RB1CC1: variants seen among roughly 807,000 people sequenced by gnomAD.
RB1CC1 encodes RB1-inducible coiled-coil protein 1.
RB1CC1 carries 46 observed loss-of-function variants against 177.5 expected under a neutral mutation model. The ratio of observed to expected loss-of-function variants is 0.26; its 90% CI spans 0.20 to 0.33. The LOEUF is 0.33. RB1CC1 is among the 10% of genes least tolerant of loss of function. The pLI is 1.00. For synonymous variants in RB1CC1, 666 were observed against 613.6 expected, an observed-to-expected ratio of 1.09 and a Z score of -1.26; for missense variants, 1,703 against 1,816.3, an observed-to-expected ratio of 0.94 and a Z score of 1.13.
At chr8:52,683,829 T>C (rs1272541139) in intron 4 of RB1CC1, 58 bp downstream of exon 4, 1 of 1,594,990 alleles carries the variant, frequency 6.3e-7, no homozygotes, top group Non-Finnish European at 8.5e-7. Context: ...GAACACTGAG[T>C]TCCCAATGTG....
intron 5 of RB1CC1, among the ~76,000 whole-genome samples, chr8:52,678,948 C>T (rs943072385): frequency 1.3e-5 from 2 of 152,040 alleles, no homozygotes; most frequent in South Asian, 4.2e-4. Flanking sequence ...GCCTGCTTCT[C>T]CTTCATGAAA....
intron 5 of RB1CC1, among the ~76,000 whole-genome samples, chr8:52,677,652 T>TA (rs1316180273): frequency 3.3e-5 from 5 of 152,126 alleles, no homozygotes; most frequent in African/African-American, 4.8e-5. Context: ...AGGCAAACTG[T>TA]AAAAAAGCTA....
In RB1CC1 at chr8:52,657,241, T is replaced by C. The variant is rs762627133; in HGVS notation, c.2588A>G (p.His863Arg). ...CSLEITLKEK[H>R]QKELLSLKNE... is the part of the protein sequence containing the mutation. ...TTTTAAAGACAGTAGTTCTTTTTGA[T>C]GTTTTTCTTTTAGTGTTATTTCCAG... The change falls in exon 15 of 24, where the codon CAT becomes CGT. Residue 863 changes from histidine (H) to arginine (R), a missense_variant. His to Arg is a conservative substitution (Grantham distance 29). This residue lies in a region of RB1CC1 where 1,169 missense variants were observed against 1,184.7 expected (regional missense o/e 0.99). Transcript: ENST00000025008. 1.9e-6 allele frequency: 3 copies of C among 1,594,154 alleles called. No homozygotes were observed. The highest frequency in any genetic ancestry group is 1.7e-5 in the Admixed American group (1 of 59,070).
rs1183407164 is a variant in RB1CC1 at position 52,698,670 on chromosome 8, G to GTTTTTTT, written c.-166-11710_-166-11704dup. Among the ~76,000 whole-genome samples the GTTTTTTT allele has an allele frequency of 4.0e-4, 31 of 77,464 alleles. 1 individual carries two copies. The highest frequency in any genetic ancestry group is 6.3e-4 in the Non-Finnish European group (26 of 41,430). The allele number at this position is 77,464 out of a possible 152,430, so 50.8% of individuals were successfully genotyped here. On this transcript the variant is annotated intron_variant, in intron 1 of 23. Transcript: ENST00000025008. ...ACAAAAACTGTATATGTAATGGTTG[G>GTTTTTTT]TTTTTTTTTTTTTTTTTTTTTTTTT... is the stretch of plus-strand genomic sequence containing the variant.
Position 52,714,064 on chromosome 8 carries a change from GCGA to G in RB1CC1, c.-167+8_-167+10del, listed in dbSNP as rs1563490794. ...ATGGGGGAAGGGGACGCGGGCGGCG[GCGA>G]CACTTACCCGGCAACGCCTCCTCCT... On this transcript the variant is annotated splice_region_variant and intron_variant, in intron 1 of 23. Transcript: ENST00000025008. The G allele has an allele frequency of 2.8e-6, 1 of 352,772 alleles. No individual in the cohort carries two copies. The highest frequency in any genetic ancestry group is 5.7e-6 in the Non-Finnish European group (1 of 176,768). The allele number at this position is 352,772 out of a possible 1,614,324, so 21.9% of individuals were successfully genotyped here. A position where few individuals can be genotyped will look rare whatever the true frequency, so the allele number is the denominator to read the frequency against.
chr8:52,674,962 T>C (rs1852961696), intron 6 of RB1CC1, among the ~76,000 whole-genome samples: 1 of 152,010 alleles, frequency 6.6e-6, no homozygotes, highest in African/African-American at 2.4e-5. Flanking sequence ...AGGATAAAAA[T>C]AACAATCCTA....
chr8:52,645,517 T>TA (rs1202800581), intron 16 of RB1CC1, among the ~76,000 whole-genome samples, 185 bp downstream of exon 16: 7 of 151,910 alleles, frequency 4.6e-5, no homozygotes, highest in African/African-American at 1.5e-4. Flanking sequence ...TCCAGATGAG[T>TA]AAAAAAACTA....
intron 1 of RB1CC1, among the ~76,000 whole-genome samples, chr8:52,706,821 G>C (rs1444782103): frequency 3.3e-5 from 5 of 151,578 alleles, no homozygotes; most frequent in African/African-American, 1.2e-4. Context: ...ACCACACCCA[G>C]CTAATTTTTT....
chr8:52,624,848 A>C, intron 22 of RB1CC1, 61 bp from the exon 23 acceptor site: 5 of 1,238,788 alleles, frequency 4.0e-6, no homozygotes, highest in Middle Eastern at 2.3e-4. Context: ...TCATGGAAAC[A>C]TAACTGCCAG....
At chr8:52,690,669 T>C (rs1349021243) in intron 1 of RB1CC1, among the ~76,000 whole-genome samples, 6 of 152,224 alleles carry the variant, frequency 3.9e-5, no homozygotes, top group Non-Finnish European at 1.5e-5. Flanking sequence ...ATAATCACTG[T>C]ATTGTTTTTT....
chr8:52,661,871 A>G (rs1422830844), intron 8 of RB1CC1, 152 bp from the exon 9 acceptor site: 1 of 530,800 alleles, frequency 1.9e-6, no homozygotes, highest in African/African-American at 2.0e-5. Flanking sequence ...AATGTAGTAG[A>G]TGCATAAATG....
intron 15 of RB1CC1, among the ~76,000 whole-genome samples, chr8:52,650,601 G>A (rs765863156): frequency 4.6e-5 from 7 of 152,024 alleles, no homozygotes; most frequent in Non-Finnish European, 5.9e-5. Context: ...TTTAAAAGTG[G>A]TTGTTTTATA....
intron 5 of RB1CC1, among the ~76,000 whole-genome samples, chr8:52,681,884 C>T (rs1487593199): frequency 1.3e-5 from 2 of 152,202 alleles, no homozygotes; most frequent in African/African-American, 4.8e-5. Context: ...GCTGCAGGGG[C>T]AGGGCCCTCA....
intron 1 of RB1CC1, among the ~76,000 whole-genome samples, chr8:52,688,768 G>C (rs1241141614): frequency 6.6e-6 from 1 of 152,088 alleles, no homozygotes; most frequent in Non-Finnish European, 1.5e-5. Context: ...AAACTTGCTG[G>C]TTTTGAGGCT....
intron 22 of RB1CC1, among the ~76,000 whole-genome samples, chr8:52,626,190 C>A (rs1402195377): frequency 6.6e-6 from 1 of 152,134 alleles, no homozygotes; most frequent in Non-Finnish European, 1.5e-5. Context: ...CCCAAGGCAA[C>A]AACACAGGGG....
chr8:52,686,661 A>AT (rs769324067), intron 2 of RB1CC1, among the ~76,000 whole-genome samples, 192 bp downstream of exon 2: 5 of 152,222 alleles, frequency 3.3e-5, no homozygotes, highest in Non-Finnish European at 7.3e-5. Context: ...GATTAATGAA[A>AT]CTGGTGAACG....
chr8:52,673,909 T>C lies in RB1CC1; in HGVS notation c.938A>G (p.Asn313Ser), dbSNP rs1255864723. The change falls in exon 7 of 24, where the codon AAT becomes AGT. Residue 313 changes from asparagine to serine, a missense_variant. This residue lies in a region of RB1CC1 where 315 missense variants were observed against 304.9 expected (regional missense o/e 1.03). Coordinates refer to ENST00000025008, the MANE Select transcript of RB1CC1 (RefSeq NM_014781.5). ...FFNVSLLDWINVQDRPNDVES... is the reference protein window; with the variant it reads ...FFNVSLLDWISVQDRPNDVES... ...CACATCATTAGGTCTATCTTGAACA[T>C]TTATCCAGTCTAACAAAGAGACATT... The C allele has an allele frequency of 6.2e-7, 1 of 1,614,144 alleles. No individual in the cohort carries two copies. The highest frequency in any genetic ancestry group is 8.5e-7 in the Non-Finnish European group (1 of 1,180,000).
chr8:52,644,328 G>A (rs1483472773), intron 16 of RB1CC1, among the ~76,000 whole-genome samples: 1 of 152,092 alleles, frequency 6.6e-6, no homozygotes, highest in African/African-American at 2.4e-5. Context: ...AATATTAAAA[G>A]AGACATCAAA....
chr8:52,670,620 A>T (rs935301369), intron 7 of RB1CC1, among the ~76,000 whole-genome samples: 27 of 152,338 alleles, frequency 1.8e-4, no homozygotes, highest in East Asian at 7.7e-4. Flanking sequence ...AAATGCAGAC[A>T]CTTCCAATTA....
Sources: gnomAD v4.1 joint callset for allele counts (sites outside exome capture counted in the v4.1 genomes callset) on GRCh38, gnomAD v4.1.1 for gene constraint, gnomAD v4.1.1 regional missense constraint, MANE v1.5 for transcripts, NCBI Gene and HGNC (gene_info 2026-07-23, HGNC 2026-07-21) for gene names.